ARHGEF17: variants seen among roughly 807,000 people sequenced by gnomAD.
ARHGEF17 encodes the protein Rho guanine nucleotide exchange factor 17.
Under a neutral mutation model 174.0 loss-of-function variants are expected in ARHGEF17, and 80 were observed. The ratio of observed to expected loss-of-function variants is 0.46; its 90% CI spans 0.38 to 0.55. The LOEUF (loss-of-function observed/expected upper bound fraction) is 0.55. ARHGEF17 is among the 20% of genes least tolerant of loss of function. ARHGEF17 has a pLI of 0.00. For synonymous variants in ARHGEF17, 1,311 were observed against 1,189.1 expected, an observed-to-expected ratio of 1.10 and a Z score of -2.11; for missense variants, 2,886 against 2,839.7, an observed-to-expected ratio of 1.02 and a Z score of -0.37.
chr11:73,338,093 T>G (rs1865314088), intron 1 of ARHGEF17, among the ~76,000 whole-genome samples: 1 of 152,158 alleles, frequency 6.6e-6, no homozygotes, highest in Non-Finnish European at 1.5e-5. Context: ...GCCTGGGAAC[T>G]CTGTGGAGCC....
At position 73,357,412 on chromosome 11, in the gene ARHGEF17, T is replaced by A. The variant is rs1865663786; in HGVS notation, c.4087+85T>A. 3 of 1,298,318 alleles carry A rather than the reference T, an allele frequency of 2.3e-6. No homozygotes were observed. The Admixed American group carries it at 6.9e-5, about 30-fold the overall frequency. The allele number at this position is 1,298,318 out of a possible 1,614,324, so 80.4% of individuals were successfully genotyped here. A position where few individuals can be genotyped will look rare whatever the true frequency, so the allele number is the denominator to read the frequency against. On this transcript the variant is annotated intron_variant, in intron 9 of 20. Coordinates refer to ENST00000263674, the MANE Select transcript of ARHGEF17 (RefSeq NM_014786.4). ...GGGTCTGAGCTCCAGCCAGTCTGGC[T>A]GCCTGTCCAGCTGCTTTTCCACTTT...
At chr11:73,340,522 G>C (rs1339032754) in intron 1 of ARHGEF17, among the ~76,000 whole-genome samples, 3 of 152,138 alleles carry the variant, frequency 2.0e-5, no homozygotes, top group Admixed American at 6.5e-5. Flanking sequence ...GGCAAACAAG[G>C]GTGGACTGAT....
chr11:73,343,393 C>T (rs1025153117), intron 1 of ARHGEF17: 1 of 388,536 alleles, frequency 2.6e-6, no homozygotes, highest in African/African-American at 2.1e-5. Context: ...CAGGGACTCT[C>T]TGTGACCGGG....
chr11:73,343,100 CGCCG>C (rs2134408647), intron 1 of ARHGEF17: 2 of 331,158 alleles, frequency 6.0e-6, no homozygotes, highest in Non-Finnish European at 1.1e-5. Flanking sequence ...CCCCCCGCCC[CGCCG>C]CCACCCCGGC....
intron 1 of ARHGEF17, among the ~76,000 whole-genome samples, chr11:73,324,472 C>T (rs927305736): frequency 6.6e-6 from 1 of 152,214 alleles, no homozygotes; most frequent in Non-Finnish European, 1.5e-5. Context: ...TCCTGGGGAC[C>T]AGGCAGGTGG....
chr11:73,333,813 C>T (rs1048482688), intron 1 of ARHGEF17, among the ~76,000 whole-genome samples: 16 of 152,196 alleles, frequency 1.1e-4, no homozygotes, highest in African/African-American at 3.4e-4. Context: ...TCTAGCTCAG[C>T]TGACTGTCTG....
At chr11:73,325,539 T>A (rs1395691957) in intron 1 of ARHGEF17, among the ~76,000 whole-genome samples, 2 of 152,134 alleles carry the variant, frequency 1.3e-5, no homozygotes, top group Non-Finnish European at 2.9e-5. Flanking sequence ...ATATAGGCAT[T>A]GTACACACAC....
intron 1 of ARHGEF17, among the ~76,000 whole-genome samples, chr11:73,324,999 C>T (rs553456511): frequency 3.3e-4 from 50 of 151,750 alleles, no homozygotes; most frequent in African/African-American, 9.4e-4. Flanking sequence ...TTTCTGCTGG[C>T]GGAGAGAACT....
rs764314700 is a variant in ARHGEF17, at chr11:73,310,662, C to T, written c.2024C>T (p.Ser675Leu). The T allele has an allele frequency of 2.5e-6, 4 of 1,613,902 alleles. No homozygotes were observed. Among genetic ancestry groups the T allele is most frequent in the African/African-American group, 1.3e-5 (1 of 74,940 alleles). ...TGMWRPLSSS[S>L]AQTNHHGPGT... Reference sequence around the variant, plus strand: ...ATGTGGCGACCTCTTTCCTCATCCTCGGCCCAGACGAACCACCATGGCCCT... The same window carrying T: ...ATGTGGCGACCTCTTTCCTCATCCTTGGCCCAGACGAACCACCATGGCCCT... Residue 675 changes from serine to leucine, a missense_variant, in exon 1 of 21, where the codon TCG (serine) becomes TTG (leucine). Physicochemically the swap from Ser to Leu is moderately radical, Grantham distance 145. Around this residue, in one of 4 missense-constraint regions of ARHGEF17, gnomAD observed 1,728 missense variants for 1,461.2 expected, o/e 1.18. Coordinates refer to ENST00000263674, the MANE Select transcript of ARHGEF17 (RefSeq NM_014786.4).
chr11:73,334,990 A>G (rs987098822), intron 1 of ARHGEF17, among the ~76,000 whole-genome samples: 15 of 152,206 alleles, frequency 9.9e-5, no homozygotes, highest in African/African-American at 3.4e-4. Flanking sequence ...GTGCTGAGCC[A>G]GTGTTAGACA....
chr11:73,362,600 C>T lies in ARHGEF17; in HGVS notation c.4862C>T (p.Pro1621Leu), dbSNP rs367737746. The T allele has an allele frequency of 2.5e-5, 41 of 1,610,604 alleles. 1 individual carries two copies. In the African/African-American group the frequency reaches 2.9e-4, roughly 12 times the overall value. ...GCAGGCTCGGGCTTGGAGATGACGC[C>T]GGGCCTCGGCGAGGGTGACCCCCGC... ...SIAGSGLEMT[P>L]GLGEGDPRPE... Residue 1621 changes from proline to leucine, a missense_variant, in exon 14 of 21, where the codon CCG becomes CTG. Coordinates refer to ENST00000263674, the MANE Select transcript of ARHGEF17 (RefSeq NM_014786.4).
rs1291771506 is a variant in ARHGEF17, at chr11:73,308,701, C to T, written c.63C>T (p.Arg21=). The T allele has an allele frequency of 6.6e-7, 1 of 1,518,774 alleles. No individual in the cohort carries two copies. Among genetic ancestry groups the T allele is most frequent in the South Asian group, 1.2e-5 (1 of 81,558 alleles). 94.1% of individuals were successfully genotyped at this position (1,518,774 alleles called of 1,614,324 possible). A position where few individuals can be genotyped will look rare whatever the true frequency, so the allele number is the denominator to read the frequency against. The change falls in exon 1 of 21, where the codon CGC becomes CGT. Residue 21 remains arginine (R), a synonymous_variant. Transcript: ENST00000263674. ...YRSVSFKLLE[R]WSGGPGLREE... ...GCGTCTCGTTCAAGCTGCTGGAGCG[C>T]TGGAGCGGCGGCCCCGGGCTGAGGG...
At chr11:73,344,705 A>G (rs1591746512) in intron 1 of ARHGEF17, among the ~76,000 whole-genome samples, 2 of 152,268 alleles carry the variant, frequency 1.3e-5, no homozygotes, top group African/African-American at 4.8e-5. Flanking sequence ...CGGTGATGGG[A>G]GGGCGGGGTT....
intron 12 of ARHGEF17, among the ~76,000 whole-genome samples, 199 bp downstream of exon 12, chr11:73,361,360 A>T (rs1865735169): frequency 6.6e-6 from 1 of 152,200 alleles, no homozygotes; most frequent in Non-Finnish European, 1.5e-5. Flanking sequence ...CTTCGTGCAT[A>T]TCTGTATCTG....
At chr11:73,321,942 C>T (rs964773114) in intron 1 of ARHGEF17, among the ~76,000 whole-genome samples, 1 of 152,160 alleles carries the variant, frequency 6.6e-6, no homozygotes, top group African/African-American at 2.4e-5. Context: ...AGGGGGTGAG[C>T]AGGCCCTGCT....
rs377593513 is a variant in ARHGEF17 at position 73,311,629 on chromosome 11, G to A, written c.2991G>A (p.Thr997=). The part of the protein sequence containing the change: ...PIGFPTRAHP[T]LQAPSLEDVT... Reference sequence around the variant, plus strand: ...GCTTCCCTACCCGAGCCCATCCCACGTTGCAGGCACCATCGCTCGAGGACG... The same window carrying A: ...GCTTCCCTACCCGAGCCCATCCCACATTGCAGGCACCATCGCTCGAGGACG... The change falls in exon 1 of 21, where the codon ACG becomes ACA. Residue 997 remains threonine (T), a synonymous_variant. Transcript: ENST00000263674. 10 of 1,613,100 alleles carry A rather than the reference G, an allele frequency of 6.2e-6. No homozygotes were observed. The highest frequency in any genetic ancestry group is 3.3e-5 in the Admixed American group (2 of 60,000).
chr11:73,362,909 C>T (rs1447847797), intron 14 of ARHGEF17, among the ~76,000 whole-genome samples, 175 bp downstream of exon 14: 2 of 152,190 alleles, frequency 1.3e-5, no homozygotes, highest in East Asian at 1.9e-4. Context: ...GACAGTGGGA[C>T]AGTCAGGCGG....
intron 1 of ARHGEF17, among the ~76,000 whole-genome samples, chr11:73,336,979 G>A (rs1322902152): frequency 6.6e-6 from 1 of 152,240 alleles, no homozygotes; most frequent in African/African-American, 2.4e-5. Context: ...CAAGATGGAA[G>A]CACATGGCAT....
intron 1 of ARHGEF17, among the ~76,000 whole-genome samples, chr11:73,319,238 A>G (rs1282933330): frequency 6.6e-6 from 1 of 151,856 alleles, no homozygotes; most frequent in African/African-American, 2.4e-5. Flanking sequence ...TAATTTTTGT[A>G]TTTTTAGTAG....
Sources: gnomAD v4.1 joint callset for allele counts (sites outside exome capture counted in the v4.1 genomes callset) on GRCh38, gnomAD v4.1.1 for gene constraint, gnomAD v4.1.1 regional missense constraint, MANE v1.5 for transcripts, NCBI Gene and HGNC (gene_info 2026-07-23, HGNC 2026-07-21) for gene names.